HCRTR1: variants seen among roughly 807,000 people sequenced by gnomAD.
The protein encoded by HCRTR1 is orexin/Hypocretin receptor type 1.
A neutral mutation model predicts 40.6 loss-of-function variants in HCRTR1; 28 were observed. The observed-to-expected ratio is 0.69, with a 90% CI of 0.51 to 0.95. HCRTR1 has a LOEUF of 0.95. HCRTR1 is among the 40% of genes least tolerant of loss of function. The pLI is 0.00. For synonymous variants in HCRTR1, 209 were observed against 230.0 expected (o/e 0.91, Z 0.83); for missense variants, 482 against 564.7 (o/e 0.85, Z 1.48).
At chr1:31,619,737 C>T in intron 4 of HCRTR1, 27 bp downstream of exon 4, 2 of 1,561,922 alleles carry the variant, frequency 1.3e-6, no homozygotes, top group Non-Finnish European at 1.7e-6. Context: ...CACCCCTCAC[C>T]ACTCCTTGTC....
chr1:31,632,313 C>G (rs1439788700), downstream of HCRTR1: 1 of 1,072,948 alleles, frequency 9.3e-7, no homozygotes, highest in Admixed American at 2.0e-5. Flanking sequence ...TGCCCTGGCT[C>G]TTGGCTCAGT....
downstream of HCRTR1, chr1:31,632,187 C>T: frequency 1.7e-6 from 1 of 592,530 alleles, no homozygotes; most frequent in Non-Finnish European, 3.0e-6. Context: ...AAGCCACACA[C>T]ACTGGTCTCA....
intron 4 of HCRTR1, among the ~76,000 whole-genome samples, chr1:31,620,608 ATTGT>A (rs1639832045): frequency 6.6e-6 from 1 of 152,236 alleles, no homozygotes; most frequent in Admixed American, 6.5e-5. Context: ...AAAGCTGGAC[ATTGT>A]TTGTACATGA....
chr1:31,624,955 C>T (rs199903773), intron 7 of HCRTR1, 42 bp from the exon 8 acceptor site: 56 of 1,546,364 alleles, frequency 3.6e-5, no homozygotes, highest in East Asian at 4.7e-5. Flanking sequence ...TACATGCATA[C>T]GCAGCTACCC....
At position 31,621,554 on chromosome 1, in the gene HCRTR1, G is replaced by A. The variant is rs974710591; in HGVS notation, c.700G>A (p.Ala234Thr). 1 of 1,613,782 alleles carries A rather than the reference G, an allele frequency of 6.2e-7. No homozygotes were observed. The highest frequency in any genetic ancestry group is 1.3e-5 in the African/African-American group (1 of 74,948). ...GGCCCCACTGGGCCTCATGGCCATG[G>A]CCTATTTCCAGATATTCCGCAAGCT... ...YLAPLGLMAMAYFQIFRKLWG... is the reference protein window; with the variant it reads ...YLAPLGLMAMTYFQIFRKLWG... Residue 234 changes from alanine (A) to threonine (T), a missense_variant, in exon 6 of 9, where the codon GCC (alanine) becomes ACC (threonine). Physicochemically the swap from Ala to Thr is moderately conservative, Grantham distance 58 (BLOSUM62 0). Transcript: ENST00000403528.
Position 31,619,301 on chromosome 1 carries a change from C to T in HCRTR1, c.109C>T (p.Arg37Cys), listed in dbSNP as rs773381518. The T allele has an allele frequency of 9.3e-6, 15 of 1,614,174 alleles. No individual in the cohort carries two copies. The highest frequency in any genetic ancestry group is 1.1e-5 in the Non-Finnish European group (13 of 1,179,996). The change falls in exon 3 of 9, where the codon CGC (arginine) becomes TGC (cysteine). Residue 37 changes from arginine to cysteine, a missense_variant. By Grantham distance (180) the Arg-to-Cys change is radical. Coordinates refer to ENST00000403528, the MANE Select transcript of HCRTR1 (RefSeq NM_001525.3). The part of the protein sequence containing the change: ...YEDEFLRYLW[R>C]DYLYPKQYEW... ...AGATGAGTTTCTCCGCTATCTGTGGCGCGATTATCTGTACCCAAAACAGTA... is the reference window on the plus strand; with the variant it reads ...AGATGAGTTTCTCCGCTATCTGTGGTGCGATTATCTGTACCCAAAACAGTA...
chr1:31,623,074 T>A (rs4949450), intron 6 of HCRTR1, among the ~76,000 whole-genome samples: 82,821 of 151,876 alleles, frequency 0.55, 23,620 homozygotes, highest in Non-Finnish European at 0.63. Flanking sequence ...CACACCTGTA[T>A]TCCCAGCACT....
downstream of HCRTR1, among the ~76,000 whole-genome samples, chr1:31,631,796 G>A (rs951632902): frequency 1.3e-5 from 2 of 152,152 alleles, no homozygotes; most frequent in African/African-American, 2.4e-5. Context: ...TTTACTGGGG[G>A]CAGATGTGGT....
In HCRTR1 at chr1:31,621,458, C is replaced by A. The variant is rs948119033; in HGVS notation, c.623-19C>A. 6.4e-7 allele frequency: 1 copy of A among 1,557,862 alleles called. No individual in the cohort carries two copies. The highest frequency in any genetic ancestry group is 1.4e-5 in the African/African-American group (1 of 73,882). On this transcript the variant is annotated intron_variant, in intron 5 of 8. Coordinates refer to ENST00000403528, the MANE Select transcript of HCRTR1 (RefSeq NM_001525.3). Reference sequence around the variant, plus strand: ...GGCTCACGGATTGGGCCTGACTCTGCATCTCTTGACCCCTGCAGATGACCT... The same window carrying A: ...GGCTCACGGATTGGGCCTGACTCTGAATCTCTTGACCCCTGCAGATGACCT...
chr1:31,630,909 A>G, downstream of HCRTR1: 1 of 1,299,688 alleles, frequency 7.7e-7, no homozygotes, highest in Non-Finnish European at 1.1e-6. Flanking sequence ...TCAATCAGGA[A>G]TACTGGATCA....
chr1:31,618,321 C>G (rs1639773842), intron 1 of HCRTR1, among the ~76,000 whole-genome samples: 1 of 152,094 alleles, frequency 6.6e-6, no homozygotes, highest in East Asian at 1.9e-4. Context: ...TCCTGGCGGC[C>G]GTCGGGGAGC....
chr1:31,624,448 C>CAAAAAAAAAAAAAAAAAAAAAA (rs11438872), intron 7 of HCRTR1, among the ~76,000 whole-genome samples: 1 of 111,046 alleles, frequency 9.0e-6, no homozygotes, highest in African/African-American at 5.0e-5. Flanking sequence ...ACAGCTGTCT[C>CAAAAAAAAAAAAAAAAAAAAAA]AAAAAAAAAA....
chr1:31,627,314 C>CAATT lies in HCRTR1; in HGVS notation c.*336_*339dup. ...TCCTCCTAAAGACCCCTTTCCTACC[C>CAATT]AATTACAGGCCTTCCCTGGAGTCTG... On this transcript the variant is annotated 3_prime_UTR_variant, in exon 9 of 9. Coordinates refer to ENST00000403528, the MANE Select transcript of HCRTR1 (RefSeq NM_001525.3). 1 of 1,249,240 alleles carries CAATT rather than the reference C, an allele frequency of 8.0e-7. No individual in the cohort carries two copies. Among genetic ancestry groups the CAATT allele is most frequent in the Non-Finnish European group, 1.1e-6 (1 of 946,176 alleles). The allele number at this position is 1,249,240 out of a possible 1,614,324, so 77.4% of individuals were successfully genotyped here.
chr1:31,622,727 A>T (rs1233972456), intron 6 of HCRTR1, among the ~76,000 whole-genome samples: 1 of 152,110 alleles, frequency 6.6e-6, no homozygotes, highest in Non-Finnish European at 1.5e-5. Flanking sequence ...CTTCTCCAGG[A>T]GCCCAGAACC....
At chr1:31,624,186 C>A (rs1024343706) in intron 7 of HCRTR1, among the ~76,000 whole-genome samples, 1 of 152,112 alleles carries the variant, frequency 6.6e-6, no homozygotes, top group African/African-American at 2.4e-5. Context: ...GGGCCGGGTG[C>A]AGTGGCTCAC....
rs760595019 is a variant in HCRTR1 at position 31,619,387 on chromosome 1, G to A, written c.195G>A (p.Thr65=). Residue 65 remains threonine, a synonymous_variant, in exon 3 of 9, where the codon ACG becomes ACA. Transcript: ENST00000403528. ...AVFVVALVGN[T]LVCLAVWRNH... ...TCGTCGTGGCCCTGGTGGGCAACAC[G>A]CTGGGTAGGTCCAGGGCTTGCCCGG... is the stretch of plus-strand genomic sequence containing the variant. 6.2e-6 allele frequency: 10 copies of A among 1,614,094 alleles called. No individual in the cohort carries two copies. The highest frequency in any genetic ancestry group is 2.2e-5 in the South Asian group (2 of 91,084).
chr1:31,619,509 C>T, intron 3 of HCRTR1, 23 bp from the exon 4 acceptor site: 1 of 1,613,844 alleles, frequency 6.2e-7, no homozygotes, highest in East Asian at 2.2e-5. Context: ...CTGCCACCAG[C>T]TTCACCTCGC....
chr1:31,630,584 G>A, downstream of HCRTR1: 6 of 1,600,172 alleles, frequency 3.7e-6, no homozygotes, highest in Non-Finnish European at 5.1e-6. Flanking sequence ...AAGGTCCCTG[G>A]TGCACTCCAC....
intron 4 of HCRTR1, 108 bp from the exon 5 acceptor site, chr1:31,620,735 G>C: frequency 7.2e-7 from 1 of 1,386,638 alleles, no homozygotes; most frequent in Non-Finnish European, 9.9e-7. Flanking sequence ...GTAAGTGGTG[G>C]AGTCAGGATT....
Sources: allele counts gnomAD v4.1 joint callset (sites outside exome capture counted in the v4.1 genomes callset), GRCh38; gene constraint gnomAD v4.1.1; transcripts MANE v1.5; gene names NCBI Gene and HGNC (gene_info 2026-07-23, HGNC 2026-07-21).